TRIO: variants seen among roughly 807,000 people sequenced by gnomAD.
TRIO encodes triple functional domain protein.
In TRIO, 58 loss-of-function variants were observed where a neutral mutation model predicts 351.9. That is an observed-to-expected ratio of 0.16 (90% CI 0.13 to 0.21). TRIO has a LOEUF of 0.21. Ranked by LOEUF, TRIO falls within the 10% of genes least tolerant of loss-of-function variation. The pLI is 1.00. For missense variants in TRIO, 3,201 were observed against 4,027.8 expected, an observed-to-expected ratio of 0.79 and a Z score of 5.56; for synonymous variants, 1,758 against 1,595.7, an observed-to-expected ratio of 1.10 and a Z score of -2.42.
At chr5:14,180,100 CAAAAAAAAA>C (rs70964542) in intron 1 of TRIO, among the ~76,000 whole-genome samples, 37 of 27,742 alleles carry the variant, frequency 1.3e-3, no homozygotes, top group African/African-American at 3.5e-3. Context: ...GACTCCTGCT[CAAAAAAAAA>C]AAAAAAAAAA....
chr5:14,217,886 C>T (rs1318627482), intron 1 of TRIO, among the ~76,000 whole-genome samples: 1 of 152,074 alleles, frequency 6.6e-6, no homozygotes, highest in African/African-American at 2.4e-5. Context: ...TCTTTTACAC[C>T]GTATTGCCAG....
intron 29 of TRIO, among the ~76,000 whole-genome samples, chr5:14,397,646 A>G (rs1747722942): frequency 6.6e-6 from 1 of 151,064 alleles, no homozygotes; most frequent in African/African-American, 2.4e-5. Flanking sequence ...AATTTCCATA[A>G]ATGCCTCTGT....
intron 9 of TRIO, among the ~76,000 whole-genome samples, chr5:14,318,059 G>A (rs758643016): frequency 4.6e-5 from 7 of 151,926 alleles, no homozygotes; most frequent in Non-Finnish European, 7.4e-5. Context: ...CCCAGGAGGC[G>A]GAGGTTGCAG....
intron 2 of TRIO, among the ~76,000 whole-genome samples, chr5:14,272,712 G>A (rs1304024524): frequency 6.6e-6 from 1 of 152,148 alleles, no homozygotes; most frequent in African/African-American, 2.4e-5. Context: ...ACGTTAGTAG[G>A]TGTCACCTCA....
rs1333558671 is a variant in TRIO at position 14,507,948 on chromosome 5, T to C, written c.8820T>C (p.Ala2940=). 6.2e-7 allele frequency: 1 copy of C among 1,614,224 alleles called. No individual in the cohort carries two copies. Among genetic ancestry groups the C allele is most frequent in the African/African-American group, 1.3e-5 (1 of 75,060 alleles). ...TCAAACTGGCTGACTTTGGAGATGC[T>C]GTTCAGCTCAACACGACCTACTACA... is the stretch of plus-strand genomic sequence containing the variant. ...PTIKLADFGD[A]VQLNTTYYIH... Residue 2940 remains alanine, a synonymous_variant, in exon 57 of 57, where the codon GCT becomes GCC. Coordinates refer to ENST00000344204, the MANE Select transcript of TRIO (RefSeq NM_007118.4).
Position 14,267,073 on chromosome 5 carries a change from A to G in TRIO, c.158-3752A>G, listed in dbSNP as rs536901673. ...AGTCTGTCTTTTCTGCGCAGTTAAT[A>G]TGGGCTCTATATAACTTAAAAATTA... On this transcript the variant is annotated intron_variant, in intron 1 of 56. Transcript: ENST00000344204. 1.3e-5 allele frequency among the ~76,000 whole-genome samples: 2 copies of G among 152,300 alleles called. 1 individual carries two copies. The highest frequency in any genetic ancestry group is 4.1e-4 in the South Asian group (2 of 4,824).
chr5:14,453,066 CCTTTTTTTT>C (rs1752958890), intron 34 of TRIO, among the ~76,000 whole-genome samples: 1 of 152,002 alleles, frequency 6.6e-6, no homozygotes. Context: ...TCTTTCTTTA[CCTTTTTTTT>C]CTTTTTTTAT....
intron 48 of TRIO, among the ~76,000 whole-genome samples, chr5:14,490,239 A>G (rs574086116): frequency 1.8e-4 from 28 of 152,336 alleles, no homozygotes; most frequent in African/African-American, 6.3e-4. Flanking sequence ...AGATCGTGCC[A>G]TTGCACTCCA....
At chr5:14,193,591 G>T (rs890323871) in intron 1 of TRIO, among the ~76,000 whole-genome samples, 1 of 152,112 alleles carries the variant, frequency 6.6e-6, no homozygotes, top group Non-Finnish European at 1.5e-5. Context: ...AAAAACAAGG[G>T]GTAAGTCACT....
chr5:14,280,983 TTG>T (rs1392104104), intron 3 of TRIO, among the ~76,000 whole-genome samples: 10 of 152,146 alleles, frequency 6.6e-5, no homozygotes, highest in Admixed American at 6.5e-4. Flanking sequence ...GCAAGCAATG[TTG>T]TGTTTTCTGG....
At chr5:14,214,892 T>C (rs1328356127) in intron 1 of TRIO, among the ~76,000 whole-genome samples, 2 of 152,180 alleles carry the variant, frequency 1.3e-5, no homozygotes, top group Non-Finnish European at 2.9e-5. Flanking sequence ...TTCAAATCAG[T>C]AGTTATGATG....
intron 47 of TRIO, among the ~76,000 whole-genome samples, chr5:14,486,480 T>A (rs1408818923): frequency 6.6e-6 from 1 of 152,174 alleles, no homozygotes; most frequent in African/African-American, 2.4e-5. Context: ...GGGTGGGCGC[T>A]TGAGGATAGG....
intron 9 of TRIO, among the ~76,000 whole-genome samples, chr5:14,330,089 A>G (rs16903400): frequency 0.013 from 1,928 of 152,354 alleles, 47 homozygotes; most frequent in African/African-American, 0.044. Context: ...TGATTTAAGT[A>G]TGAGACCCAA....
chr5:14,410,184 C>A lies in TRIO; in HGVS notation c.4959+3512C>A, dbSNP rs567174939. On this transcript the variant is annotated intron_variant, in intron 33 of 56. Transcript: ENST00000344204. ...ATTTGGGATTAAACGGCGTATGAGA[C>A]TTGCCAATAAGTCAGAATTTGGAAT... is the stretch of plus-strand genomic sequence containing the variant. Among the ~76,000 whole-genome samples the A allele has an allele frequency of 5.3e-5, 8 of 152,308 alleles. No individual in the cohort carries two copies. The South Asian group carries it at 1.7e-3, about 32-fold the overall frequency.
intron 8 of TRIO, among the ~76,000 whole-genome samples, chr5:14,304,934 A>C (rs916268489): frequency 6.6e-6 from 1 of 152,202 alleles, no homozygotes; most frequent in African/African-American, 2.4e-5. Flanking sequence ...AATCTTCCCA[A>C]ATGAAACCTT....
chr5:14,244,722 C>T (rs1308808855), intron 1 of TRIO, among the ~76,000 whole-genome samples: 2 of 152,234 alleles, frequency 1.3e-5, no homozygotes, highest in Non-Finnish European at 2.9e-5. Context: ...CGGCAAGAAG[C>T]AGCACCTGGG....
At chr5:14,340,716 G>T (rs913808112) in intron 11 of TRIO, among the ~76,000 whole-genome samples, 2 of 152,184 alleles carry the variant, frequency 1.3e-5, no homozygotes, top group African/African-American at 4.8e-5. Flanking sequence ...GAAGAAGGTG[G>T]CTGCCGGAAG....
intron 13 of TRIO, among the ~76,000 whole-genome samples, chr5:14,361,496 A>G (rs1352504864): frequency 6.6e-6 from 1 of 152,210 alleles, no homozygotes; most frequent in African/African-American, 2.4e-5. Context: ...TTTAATCCTG[A>G]AAAATGAAAA....
intron 1 of TRIO, among the ~76,000 whole-genome samples, chr5:14,155,836 G>C (rs1222585061): frequency 6.6e-6 from 1 of 152,152 alleles, no homozygotes; most frequent in Non-Finnish European, 1.5e-5. Context: ...TTAGCATTTT[G>C]TGGGGAGATA....
Sources: gnomAD v4.1 joint callset for allele counts (sites outside exome capture counted in the v4.1 genomes callset) on GRCh38, gnomAD v4.1.1 for gene constraint, MANE v1.5 for transcripts, NCBI Gene and HGNC (gene_info 2026-07-23, HGNC 2026-07-21) for gene names.